The following PCDHGA10 variants were observed in gnomAD, a reference collection of about 807,000 sequenced individuals.
The protein encoded by PCDHGA10 is protocadherin gamma subfamily A, 10, also known as protocadherin gamma-A10.
Under a neutral mutation model 59.5 loss-of-function variants are expected in PCDHGA10, and 42 were observed. That is an observed-to-expected ratio of 0.71 (90% CI 0.55 to 0.91). The LOEUF (loss-of-function observed/expected upper bound fraction) is 0.91. PCDHGA10 is among the 40% of genes least tolerant of loss of function. The pLI, the probability that PCDHGA10 is intolerant of heterozygous loss-of-function variation, is 0.00. For missense variants in PCDHGA10, 1,111 were observed against 1,198.2 expected (o/e 0.93, Z 1.07); for synonymous variants, 511 against 517.2 (o/e 0.99, Z 0.16).
In PCDHGA10 at chr5:141,431,887, T is replaced by C; in HGVS notation, c.2436+16276T>C. The C allele has an allele frequency of 1.2e-6, 2 of 1,614,190 alleles. No individual in the cohort carries two copies. The highest frequency in any genetic ancestry group is 1.7e-6 in the Non-Finnish European group (2 of 1,179,996). ...TTTTAAATGTAAATGACCAAGATTCTGAGGAAAACGGACAGGTGATCTGTT... is the reference window on the plus strand; with the variant it reads ...TTTTAAATGTAAATGACCAAGATTCCGAGGAAAACGGACAGGTGATCTGTT... On this transcript the variant is annotated intron_variant, in intron 1 of 3. Coordinates refer to ENST00000398610, the MANE Select transcript of PCDHGA10 (RefSeq NM_018913.3). The surrounding 1 kb of genome is among the most constrained non-coding windows in gnomAD (Gnocchi z 4.8).
chr5:141,491,322 C>T lies in PCDHGA10; in HGVS notation c.2437-3485C>T. 6.2e-7 allele frequency: 1 copy of T among 1,614,156 alleles called. No individual in the cohort carries two copies. Among genetic ancestry groups the T allele is most frequent in the East Asian group, 2.2e-5 (1 of 44,860 alleles). On this transcript the variant is annotated intron_variant, in intron 1 of 3. Coordinates refer to ENST00000398610, the MANE Select transcript of PCDHGA10 (RefSeq NM_018913.3). This position sits in a 1 kb window ranked among gnomAD's most constrained non-coding sequence, Gnocchi z 6.9. ...AGCGTTCAGACCTTACCCTTTACCT[C>T]ATTGTGGCTCTAGCGACCGTCAGTC...
In PCDHGA10 at chr5:141,490,390, G is replaced by C. The variant is rs2099699651; in HGVS notation, c.2437-4417G>C. The C allele has an allele frequency of 6.2e-7, 1 of 1,614,074 alleles. No individual in the cohort carries two copies. The highest frequency in any genetic ancestry group is 8.5e-7 in the Non-Finnish European group (1 of 1,180,040). On this transcript the variant is annotated intron_variant, in intron 1 of 3. Coordinates refer to ENST00000398610, the MANE Select transcript of PCDHGA10 (RefSeq NM_018913.3). This position sits in a 1 kb window ranked among gnomAD's most constrained non-coding sequence, Gnocchi z 5.4. ...AGACCGGGACTCAGGTAGAAATGGT[G>C]AAGTGAGCCTTGATATCTCTCCGGA... is the stretch of plus-strand genomic sequence containing the variant.
intron 1 of PCDHGA10, chr5:141,433,025 G>A: frequency 6.2e-7 from 1 of 1,614,144 alleles, no homozygotes; most frequent in Non-Finnish European, 8.5e-7. Context: ...CTATTCCCAC[G>A]AGGTTTCCCT....
At chr5:141,456,058 C>T (rs1488082918) in intron 1 of PCDHGA10, among the ~76,000 whole-genome samples, 3 of 151,880 alleles carry the variant, frequency 2.0e-5, no homozygotes, top group Admixed American at 6.6e-5. Context: ...CCACCACGTC[C>T]GGCTAATTTT....
rs141095222 is a variant in PCDHGA10, at chr5:141,496,668, C to T, written c.2495+1803C>T. Reference sequence around the variant, plus strand: ...CCCTTCCTTTGACCCCAGCTGTTGTCCTTCTCCCTGCTGGCCTTGCCAACC... The same window carrying T: ...CCCTTCCTTTGACCCCAGCTGTTGTTCTTCTCCCTGCTGGCCTTGCCAACC... On this transcript the variant is annotated intron_variant, in intron 2 of 3. Coordinates refer to ENST00000398610, the MANE Select transcript of PCDHGA10 (RefSeq NM_018913.3). Among the ~76,000 whole-genome samples the T allele has an allele frequency of 1.3e-3, 204 of 152,328 alleles. 1 individual carries two copies. The highest frequency in any genetic ancestry group is 5.6e-3 in the Admixed American group (85 of 15,298).
In PCDHGA10 at chr5:141,453,631, T is replaced by C. The variant is rs114710858; in HGVS notation, c.2436+38020T>C. On this transcript the variant is annotated intron_variant, in intron 1 of 3. Transcript: ENST00000398610. ...AACGCAAAAACAAAACCTATACATATTTATATTTTCTTATGTCCTCTTCTT... is the reference window on the plus strand; with the variant it reads ...AACGCAAAAACAAAACCTATACATACTTATATTTTCTTATGTCCTCTTCTT... Among the ~76,000 whole-genome samples the C allele has an allele frequency of 8.2e-3, 1,249 of 152,332 alleles. 7 individuals are homozygous for C. Among genetic ancestry groups the C allele is most frequent in the Non-Finnish European group, 0.013 (893 of 68,030 alleles).
intron 1 of PCDHGA10, chr5:141,424,561 T>C (rs972361161): frequency 7.9e-5 from 12 of 152,236 alleles, no homozygotes; most frequent in African/African-American, 2.9e-4. Flanking sequence ...TCAGTGCTTC[T>C]CAAAAACCTA....
Position 141,432,010 on chromosome 5 carries a change from CT to C in PCDHGA10, c.2436+16400del. The C allele has an allele frequency of 6.2e-7, 1 of 1,614,068 alleles. No individual in the cohort carries two copies. Among genetic ancestry groups the C allele is most frequent in the Non-Finnish European group, 8.5e-7 (1 of 1,180,022 alleles). ...TCTTGGATAGGGAACAGGTTCCTAG[CT>C]ACAACATCACAGTGACCGCCACTGA... On this transcript the variant is annotated intron_variant, in intron 1 of 3. Coordinates refer to ENST00000398610, the MANE Select transcript of PCDHGA10 (RefSeq NM_018913.3). This position sits in a 1 kb window ranked among gnomAD's most constrained non-coding sequence, Gnocchi z 6.0.
At chr5:141,499,025 G>A (rs561539084) in intron 2 of PCDHGA10, among the ~76,000 whole-genome samples, 4 of 140,712 alleles carry the variant, frequency 2.8e-5, no homozygotes, top group Admixed American at 1.4e-4. Context: ...AGGAAGGAAG[G>A]AAGAAAAGAA....
chr5:141,478,783 T>G (rs1435790850), intron 1 of PCDHGA10: 2 of 1,483,968 alleles, frequency 1.3e-6, no homozygotes, highest in Admixed American at 4.6e-5. Flanking sequence ...TGGACCTAAT[T>G]CACATCCTCA....
chr5:141,456,434 G>A (rs1418917805), intron 1 of PCDHGA10, among the ~76,000 whole-genome samples: 1 of 152,108 alleles, frequency 6.6e-6, no homozygotes, highest in Non-Finnish European at 1.5e-5. Flanking sequence ...TTATAGTATT[G>A]AGTATACAGA....
Position 141,413,687 on chromosome 5 carries a change from T to C in PCDHGA10, c.512T>C (p.Leu171Pro), listed in dbSNP as rs1470256826. 1 of 1,613,784 alleles carries C rather than the reference T, an allele frequency of 6.2e-7. No individual in the cohort carries two copies. The highest frequency in any genetic ancestry group is 1.1e-5 in the South Asian group (1 of 91,086). Reference sequence around the variant, plus strand: ...GATCCGGATGTGGGCGTGAACTCCCTGCAGAGCTATCAGCTCAGCCCCAAT... The same window carrying C: ...GATCCGGATGTGGGCGTGAACTCCCCGCAGAGCTATCAGCTCAGCCCCAAT... ...AIDPDVGVNSLQSYQLSPNKH... is the reference protein window; with the variant it reads ...AIDPDVGVNSPQSYQLSPNKH... Residue 171 changes from leucine (L) to proline (P), a missense_variant, in exon 1 of 4, where the codon CTG (leucine) becomes CCG (proline). Leu to Pro is a moderately conservative substitution (Grantham distance 98). Transcript: ENST00000398610.
intron 1 of PCDHGA10, among the ~76,000 whole-genome samples, chr5:141,443,594 T>C (rs1040469046): frequency 1.3e-5 from 2 of 152,234 alleles, no homozygotes; most frequent in Non-Finnish European, 2.9e-5. Flanking sequence ...CAGAATGTGG[T>C]ATATGAAATG....
chr5:141,432,237 A>T lies in PCDHGA10; in HGVS notation c.2436+16626A>T. ...GCCCAGATCACTTATTCCCTGGCTG[A>T]GAACACCATCCAAGGGGCAAGCCTA... On this transcript the variant is annotated intron_variant, in intron 1 of 3. Transcript: ENST00000398610. The surrounding 1 kb of genome is among the most constrained non-coding windows in gnomAD (Gnocchi z 6.0). The T allele has an allele frequency of 2.5e-6, 4 of 1,614,224 alleles. No individual in the cohort carries two copies. Among genetic ancestry groups the T allele is most frequent in the Non-Finnish European group, 3.4e-6 (4 of 1,180,032 alleles).
Position 141,476,657 on chromosome 5 carries a change from G to A in PCDHGA10, c.2437-18150G>A, listed in dbSNP as rs759887729. On this transcript the variant is annotated intron_variant, in intron 1 of 3. Coordinates refer to ENST00000398610, the MANE Select transcript of PCDHGA10 (RefSeq NM_018913.3). This position sits in a 1 kb window ranked among gnomAD's most constrained non-coding sequence, Gnocchi z 7.6. ...TGAGCTGAGCCGAAATGAATACTTTGCGCTTCGCGTGCAGACGCGGGAGGA... is the reference window on the plus strand; with the variant it reads ...TGAGCTGAGCCGAAATGAATACTTTACGCTTCGCGTGCAGACGCGGGAGGA... 1.9e-6 allele frequency: 3 copies of A among 1,614,140 alleles called. No homozygotes were observed. Among genetic ancestry groups the A allele is most frequent in the Non-Finnish European group, 2.5e-6 (3 of 1,180,060 alleles).
chr5:141,451,789 G>A (rs2098724524), intron 1 of PCDHGA10, among the ~76,000 whole-genome samples: 1 of 152,074 alleles, frequency 6.6e-6, no homozygotes, highest in South Asian at 2.1e-4. Flanking sequence ...GCTGAGGCCA[G>A]AGAATTGCTT....
intron 1 of PCDHGA10, among the ~76,000 whole-genome samples, chr5:141,457,465 A>G (rs915755113): frequency 1.3e-5 from 2 of 152,194 alleles, no homozygotes; most frequent in African/African-American, 2.4e-5. Context: ...GATTCACAGG[A>G]ATAAGCAGGG....
Position 141,490,916 on chromosome 5 carries a change from A to C in PCDHGA10, c.2437-3891A>C. 1 of 1,613,724 alleles carries C rather than the reference A, an allele frequency of 6.2e-7. No homozygotes were observed. Among genetic ancestry groups the C allele is most frequent in the Non-Finnish European group, 8.5e-7 (1 of 1,179,736 alleles). ...CATGTGTTTGTCCTAGACGAGAATG[A>C]TAATGCCCCAGCTGTGCTGCACCCA... is the stretch of plus-strand genomic sequence containing the variant. On this transcript the variant is annotated intron_variant, in intron 1 of 3. Transcript: ENST00000398610. This position sits in a 1 kb window ranked among gnomAD's most constrained non-coding sequence, Gnocchi z 5.4.
intron 1 of PCDHGA10, among the ~76,000 whole-genome samples, chr5:141,469,731 C>A (rs1332201791): frequency 6.6e-6 from 1 of 152,214 alleles, no homozygotes; most frequent in Non-Finnish European, 1.5e-5. Context: ...ATCATAAATA[C>A]ACACCTCAAA....
Sources: allele counts gnomAD v4.1 joint callset (sites outside exome capture counted in the v4.1 genomes callset), GRCh38; gene constraint gnomAD v4.1.1; non-coding constraint Gnocchi (gnomAD v3.1); transcripts MANE v1.5; gene names NCBI Gene and HGNC (gene_info 2026-07-23, HGNC 2026-07-21).